The following TYW1B variants were observed in gnomAD, a reference collection of about 807,000 sequenced individuals.
TYW1B encodes the protein S-adenosyl-L-methionine-dependent tRNA 4-demethylwyosine synthase TYW1B.
Under a neutral mutation model 86.9 loss-of-function variants are expected in TYW1B, and 73 were observed. The observed-to-expected ratio is 0.84, with a 90% CI of 0.70 to 1.02. The LOEUF is 1.02. Among genes scored for constraint, TYW1B ranks in the 50% least tolerant of loss-of-function variants. The probability of loss-of-function intolerance (pLI) is 0.00; values close to 1 mark genes in which losing one functional copy is unlikely to be tolerated. For missense variants in TYW1B, 637 were observed against 827.4 expected, an observed-to-expected ratio of 0.77 and a Z score of 2.82; for synonymous variants, 248 against 292.8, an observed-to-expected ratio of 0.85 and a Z score of 1.56.
chr7:72,693,970 A>T (rs1218379342), intron 11 of TYW1B, among the ~76,000 whole-genome samples: 59 of 151,516 alleles, frequency 3.9e-4, no homozygotes, highest in East Asian at 7.8e-4. Flanking sequence ...TTATTTATTT[A>T]TTTTTTTTGA....
At chr7:72,591,874 T>C (rs1554431542) in intron 13 of TYW1B, among the ~76,000 whole-genome samples, 1 of 151,980 alleles carries the variant, frequency 6.6e-6, no homozygotes, top group Non-Finnish European at 1.5e-5. Context: ...GACTAGAGTG[T>C]GTGTAGTGGT....
intron 2 of TYW1B, among the ~76,000 whole-genome samples, chr7:72,825,270 C>CA (rs368488902): frequency 1.4e-4 from 21 of 151,994 alleles, no homozygotes; most frequent in African/African-American, 4.1e-4. Flanking sequence ...TGTTCCCCCC[C>CA]AAAAAAGAGA....
At chr7:72,789,752 C>T (rs1428711602) in intron 6 of TYW1B, among the ~76,000 whole-genome samples, 1 of 151,804 alleles carries the variant, frequency 6.6e-6, no homozygotes, top group African/African-American at 2.4e-5. Flanking sequence ...GCTGGGATTA[C>T]AGGCAGAGCC....
chr7:72,619,327 G>T (rs1812157622), intron 12 of TYW1B, among the ~76,000 whole-genome samples: 1 of 152,130 alleles, frequency 6.6e-6, no homozygotes, highest in Non-Finnish European at 1.5e-5. Context: ...AATAAAAAAG[G>T]AAAATAATGA....
intron 10 of TYW1B, among the ~76,000 whole-genome samples, chr7:72,700,758 C>T (rs1395772924): frequency 2.0e-5 from 3 of 152,066 alleles, no homozygotes; most frequent in Admixed American, 1.3e-4. Flanking sequence ...CATTTTCATA[C>T]TTTTGTTTCT....
At chr7:72,616,937 C>A (rs555422331) in intron 12 of TYW1B, 98 bp from the exon 13 acceptor site, 1 of 1,484,500 alleles carries the variant, frequency 6.7e-7, no homozygotes, top group South Asian at 1.2e-5. Context: ...TCAACCAATG[C>A]AATCCAGTCC....
chr7:72,603,088 CAGATGATGGATGGATGGAT>C (rs1458613122), intron 13 of TYW1B, among the ~76,000 whole-genome samples: 3 of 150,982 alleles, frequency 2.0e-5, no homozygotes, highest in Non-Finnish European at 4.4e-5. Context: ...GACAGACAGA[CAGATGATGGATGGATGGAT>C]GGATGGATGG....
chr7:72,641,148 T>C (rs1219356832), intron 11 of TYW1B, among the ~76,000 whole-genome samples: 2 of 151,830 alleles, frequency 1.3e-5, no homozygotes, highest in African/African-American at 4.8e-5. Context: ...CCAAAAAAAG[T>C]GGATAACCTA....
chr7:72,592,910 T>C (rs1173266817), intron 13 of TYW1B, among the ~76,000 whole-genome samples: 4 of 152,224 alleles, frequency 2.6e-5, no homozygotes, highest in African/African-American at 2.4e-5. Flanking sequence ...GATACTGATA[T>C]AATTGAAAGG....
At chr7:72,712,936 T>C (rs1452218105) in intron 10 of TYW1B, among the ~76,000 whole-genome samples, 2 of 152,138 alleles carry the variant, frequency 1.3e-5, no homozygotes, top group Non-Finnish European at 2.9e-5. Flanking sequence ...ACTCCACGTC[T>C]TTCTCAGGAA....
rs1224127244 is a variant in TYW1B at position 72,632,412 on chromosome 7, C to CAT, written c.1507-3417_1507-3416dup. Among the ~76,000 whole-genome samples the CAT allele has an allele frequency of 4.1e-4, 33 of 80,750 alleles. 1 individual carries two copies. In the South Asian group the frequency reaches 6.4e-3, roughly 16 times the overall value. 53.0% of individuals were successfully genotyped at this position (80,750 alleles called of 152,430 possible). On this transcript the variant is annotated intron_variant, in intron 11 of 13. Coordinates refer to ENST00000620995, the MANE Select transcript of TYW1B (RefSeq NM_001145440.3). ...CGTATATATATATAATATATATATA[C>CAT]ATATATATATAAAATATATATATAC...
intron 13 of TYW1B, among the ~76,000 whole-genome samples, chr7:72,588,615 C>G (rs1361331852): frequency 6.6e-6 from 1 of 152,162 alleles, no homozygotes; most frequent in African/African-American, 2.4e-5. Context: ...TATGGCCAGA[C>G]TCTCAGAGCT....
intron 11 of TYW1B, among the ~76,000 whole-genome samples, chr7:72,654,903 T>C (rs1554443393): frequency 1.3e-5 from 2 of 152,040 alleles, no homozygotes; most frequent in African/African-American, 2.4e-5. Context: ...ACAAAAAATA[T>C]TGGTTCATAA....
At chr7:72,676,894 G>C (rs1276699916) in intron 11 of TYW1B, among the ~76,000 whole-genome samples, 1 of 151,998 alleles carries the variant, frequency 6.6e-6, no homozygotes, top group Non-Finnish European at 1.5e-5. Flanking sequence ...GGAGGCGGAG[G>C]TTGCAGTGTG....
intron 11 of TYW1B, among the ~76,000 whole-genome samples, chr7:72,676,817 G>A (rs1813746416): frequency 6.6e-6 from 1 of 152,160 alleles, no homozygotes; most frequent in African/African-American, 2.4e-5. Context: ...AAAATAGCCA[G>A]TGTGGTGGCA....
At chr7:72,617,708 A>C (rs1812111053) in intron 12 of TYW1B, among the ~76,000 whole-genome samples, 1 of 152,230 alleles carries the variant, frequency 6.6e-6, no homozygotes, top group Non-Finnish European at 1.5e-5. Flanking sequence ...ATGCACTTTG[A>C]ATGTGGTTAC....
intron 11 of TYW1B, among the ~76,000 whole-genome samples, chr7:72,645,358 G>A (rs1585872386): frequency 6.6e-6 from 1 of 152,138 alleles, no homozygotes; most frequent in Non-Finnish European, 1.5e-5. Flanking sequence ...TTCTTATATG[G>A]CCTTGCGATT....
intron 13 of TYW1B, among the ~76,000 whole-genome samples, chr7:72,604,503 A>G (rs1811750296): frequency 6.6e-6 from 1 of 152,026 alleles, no homozygotes. Context: ...GGAAGAATGA[A>G]GTTTTGAAAC....
At chr7:72,608,607 A>G (rs1554435305) in intron 13 of TYW1B, among the ~76,000 whole-genome samples, 1 of 152,260 alleles carries the variant, frequency 6.6e-6, no homozygotes, top group Admixed American at 6.5e-5. Flanking sequence ...AGACTAAAAA[A>G]GTATGACAAC....
Sources: allele counts gnomAD v4.1 joint callset (sites outside exome capture counted in the v4.1 genomes callset), GRCh38; gene constraint gnomAD v4.1.1; transcripts MANE v1.5; gene names NCBI Gene and HGNC (gene_info 2026-07-23, HGNC 2026-07-21).